Variants in CTSH observed in about 807,000 individuals in gnomAD.
CTSH encodes the protein pro-cathepsin H.
A neutral mutation model predicts 56.3 loss-of-function variants in CTSH; 52 were observed. That is an observed-to-expected ratio of 0.92 (90% CI 0.74 to 1.16). CTSH has a LOEUF of 1.16. CTSH is among the 50% of genes most tolerant of loss of function. The probability of loss-of-function intolerance (pLI) is 0.00; values close to 1 mark genes in which losing one functional copy is unlikely to be tolerated. For missense variants in CTSH, 406 were observed against 424.5 expected, an observed-to-expected ratio of 0.96 and a Z score of 0.38; for synonymous variants, 174 against 155.7, an observed-to-expected ratio of 1.12 and a Z score of -0.88.
chr15:78,932,084 C>T (rs1429739167), intron 6 of CTSH: 1 of 1,264,852 alleles, frequency 7.9e-7, no homozygotes, highest in African/African-American at 1.5e-5. Flanking sequence ...ACCAGGCAGG[C>T]TCCGCCTTTC....
chr15:78,925,240 C>T, intron 10 of CTSH, 94 bp downstream of exon 10: 2 of 770,850 alleles, frequency 2.6e-6, no homozygotes, highest in African/African-American at 3.4e-5. Context: ...ACACAGGAGT[C>T]TGGGCCACGA....
At chr15:78,922,514 G>A (rs2141511756) in intron 11 of CTSH, among the ~76,000 whole-genome samples, 1 of 152,264 alleles carries the variant, frequency 6.6e-6, no homozygotes, top group Admixed American at 6.5e-5. Flanking sequence ...GAGCCCGAGG[G>A]AACAGGAAAG....
intron 7 of CTSH, among the ~76,000 whole-genome samples, chr15:78,929,779 A>G (rs996549874): frequency 6.6e-6 from 1 of 152,184 alleles, no homozygotes; most frequent in Non-Finnish European, 1.5e-5. Flanking sequence ...CATGGTCAAC[A>G]GCATCAGCCC....
intron 11 of CTSH, among the ~76,000 whole-genome samples, chr15:78,922,766 C>T (rs1301899064): frequency 6.6e-6 from 1 of 152,224 alleles, no homozygotes; most frequent in Non-Finnish European, 1.5e-5. Context: ...TGGCCTCCTG[C>T]TCTCCCTGCA....
chr15:78,922,901 A>G (rs1342718773), intron 11 of CTSH, 92 bp downstream of exon 11: 1 of 1,466,800 alleles, frequency 6.8e-7, no homozygotes, highest in Non-Finnish European at 9.1e-7. Flanking sequence ...TCGTCTGTGG[A>G]AGCCGTAACT....
chr15:78,923,370 A>G (rs931410144), intron 10 of CTSH, among the ~76,000 whole-genome samples: 1 of 152,068 alleles, frequency 6.6e-6, no homozygotes, highest in Non-Finnish European at 1.5e-5. Context: ...GCTCACTGCA[A>G]CCTTCACCTC....
chr15:78,932,452 AG>A lies in CTSH; in HGVS notation c.411del (p.Cys138AlafsTer91). 6.2e-7 allele frequency: 1 copy of A among 1,613,782 alleles called. No homozygotes were observed. The highest frequency in any genetic ancestry group is 8.5e-7 in the Non-Finnish European group (1 of 1,179,768). On this transcript the variant is annotated frameshift_variant, in exon 6 of 12. Transcript: ENST00000220166. LOFTEE classifies it high-confidence loss of function. ...NFVSPVKNQGACGSCWTFSTT... is the reference protein window; with the variant it reads ...NFVSPVKNQGXCGSCWTFSTT... ...GTGGAGAAAGTCCAGCAACTGCCGC[AG>A]GCACCCTGGAAAGGCCAGGGGAGAG...
chr15:78,936,882 G>A lies in CTSH; in HGVS notation c.229+436C>T, dbSNP rs2055187891. On this transcript the variant is annotated intron_variant, in intron 3 of 11. Transcript: ENST00000220166. The stretch of plus-strand genomic sequence containing the variant: ...AACCTCAGGTGATCCACCCATCTCG[G>A]CCTCCCAAAGTGCTGGAATTACAGG... 2.0e-5 allele frequency among the ~76,000 whole-genome samples: 3 copies of A among 152,188 alleles called. No individual in the cohort carries two copies. In the South Asian group the frequency reaches 6.2e-4, roughly 32 times the overall value.
intron 1 of CTSH, among the ~76,000 whole-genome samples, 180 bp from the exon 2 acceptor site, chr15:78,939,351 C>A (rs1282554218): frequency 3.3e-5 from 5 of 152,148 alleles, no homozygotes; most frequent in Non-Finnish European, 7.3e-5. Context: ...TGGTTTTGTA[C>A]CCCAAATTAA....
rs770661166 is a variant in CTSH, at chr15:78,937,420, G to A, written c.127C>T (p.Arg43Cys). ...FHFKSWMSKH[R>C]KTYSTEEYHH... is the part of the protein sequence containing the mutation. ...TACTCCTCCGTACTGTAGGTCTTACGGTGCTAAAACAAAACACGCCAGTAG... is the reference window on the plus strand; with the variant it reads ...TACTCCTCCGTACTGTAGGTCTTACAGTGCTAAAACAAAACACGCCAGTAG... Residue 43 changes from arginine (R) to cysteine (C), a missense_variant, in exon 3 of 12, where the codon CGT becomes TGT. Physicochemically the swap from Arg to Cys is radical, Grantham distance 180 (BLOSUM62 -3). Coordinates refer to ENST00000220166, the MANE Select transcript of CTSH (RefSeq NM_004390.5). The A allele has an allele frequency of 9.3e-6, 15 of 1,613,764 alleles. No homozygotes were observed. Among genetic ancestry groups the A allele is most frequent in the Middle Eastern group, 1.6e-4 (1 of 6,062 alleles).
At chr15:78,923,648 G>A (rs992880422) in intron 10 of CTSH, among the ~76,000 whole-genome samples, 4 of 152,114 alleles carry the variant, frequency 2.6e-5, no homozygotes, top group African/African-American at 7.2e-5. Context: ...GTGCTGGCCC[G>A]TGTCTCACCC....
At chr15:78,927,329 G>GC (rs2054929169) in intron 9 of CTSH, 1 of 263,134 alleles carries the variant, frequency 3.8e-6, no homozygotes, top group Non-Finnish European at 7.4e-6. Flanking sequence ...GGTTGTTATT[G>GC]CAACAGAACC....
At chr15:78,938,999 G>T in intron 2 of CTSH, 141 bp downstream of exon 2, 1 of 740,876 alleles carries the variant, frequency 1.3e-6, no homozygotes, top group South Asian at 1.6e-5. Context: ...CCAGTGTTTG[G>T]CCAGTTCAAC....
At chr15:78,937,491 G>A in intron 2 of CTSH, 68 bp from the exon 3 acceptor site, 1 of 1,453,468 alleles carries the variant, frequency 6.9e-7, no homozygotes, top group South Asian at 1.2e-5. Flanking sequence ...AGACCTTTTT[G>A]TTTTCCTAAG....
At chr15:78,922,495 T>TATCA (rs1423849789) in intron 11 of CTSH, among the ~76,000 whole-genome samples, 1 of 152,100 alleles carries the variant, frequency 6.6e-6, no homozygotes, top group Non-Finnish European at 1.5e-5. Flanking sequence ...ACAGCTATTT[T>TATCA]ATCACCAGGA....
chr15:78,944,831 C>A (rs1440477067), intron 1 of CTSH, 60 bp downstream of exon 1: 1 of 1,500,030 alleles, frequency 6.7e-7, no homozygotes, highest in African/African-American at 1.4e-5. Flanking sequence ...TGGCCAAGTT[C>A]TCCCAGCGTC....
intron 10 of CTSH, among the ~76,000 whole-genome samples, chr15:78,924,024 C>T (rs958179582): frequency 9.5e-5 from 14 of 147,008 alleles, no homozygotes; most frequent in African/African-American, 3.0e-4. Flanking sequence ...GGCTGCTTCT[C>T]TACAGTGGCC....
rs2054888303 is a variant in CTSH at position 78,925,649 on chromosome 15, A to T, written c.700-209T>A. 4 of 499,346 alleles carry T rather than the reference A, an allele frequency of 8.0e-6. No homozygotes were observed. In the South Asian group the frequency reaches 8.1e-5, roughly 10 times the overall value. 30.9% of individuals were successfully genotyped at this position (499,346 alleles called of 1,614,324 possible). On this transcript the variant is annotated intron_variant, in intron 9 of 11. Transcript: ENST00000220166. ...CTCTCCCCAACTCTGCTCCTAGGAAACCCTGCACCCTCTGAGATAGGGACC... is the reference window on the plus strand; with the variant it reads ...CTCTCCCCAACTCTGCTCCTAGGAATCCCTGCACCCTCTGAGATAGGGACC...
At chr15:78,927,014 C>T (rs1207501739) in intron 9 of CTSH, 3 of 152,346 alleles carry the variant, frequency 2.0e-5, no homozygotes, top group African/African-American at 4.8e-5. Context: ...AGCGATATTC[C>T]TCCACTCCTC....
Sources: allele counts gnomAD v4.1 joint callset (sites outside exome capture counted in the v4.1 genomes callset), GRCh38; gene constraint gnomAD v4.1.1; transcripts MANE v1.5; gene names NCBI Gene and HGNC (gene_info 2026-07-23, HGNC 2026-07-21).